Variants in NAV2 observed in about 807,000 individuals in gnomAD.
The protein encoded by NAV2 is neuron navigator 2.
In NAV2, 54 loss-of-function variants were observed where a neutral mutation model predicts 223.2. The ratio of observed to expected loss-of-function variants is 0.24; its 90% confidence interval spans 0.19 to 0.30. The LOEUF is 0.30. Among genes scored for constraint, NAV2 ranks in the 10% least tolerant of loss-of-function variants. The probability of loss-of-function intolerance (pLI) is 1.00; values close to 1 mark genes in which losing one functional copy is unlikely to be tolerated. For synonymous variants in NAV2, 1,279 were observed against 1,239.3 expected, an observed-to-expected ratio of 1.03 and a Z score of -0.67; for missense variants, 2,806 against 3,147.5, an observed-to-expected ratio of 0.89 and a Z score of 2.60.
intron 26 of NAV2, among the ~76,000 whole-genome samples, chr11:20,086,423 T>G (rs551498740): frequency 6.6e-6 from 1 of 152,328 alleles, no homozygotes; most frequent in Admixed American, 6.5e-5. Context: ...ACTTAATGAA[T>G]AAGGCCTTGC....
intron 6 of NAV2, among the ~76,000 whole-genome samples, chr11:19,912,394 C>T (rs2043387713): frequency 6.6e-6 from 1 of 152,152 alleles, no homozygotes; most frequent in Admixed American, 6.5e-5. Flanking sequence ...ACTTTAATGT[C>T]TGTGCTGCTG....
At position 19,945,882 on chromosome 11, in the gene NAV2, T is replaced by A. The variant is rs183095910; in HGVS notation, c.2147-519T>A. Among the ~76,000 whole-genome samples, 7 of 152,314 alleles carry A rather than the reference T, an allele frequency of 4.6e-5. No homozygotes were observed. In the South Asian group the frequency reaches 6.2e-4, roughly 14 times the overall value. On this transcript the variant is annotated intron_variant, in intron 8 of 37. Coordinates refer to ENST00000349880, the MANE Select transcript of NAV2 (RefSeq NM_145117.5). ...TAAGTAGAGGAGCTTGAATTTGAGGTGACATAATACATCTAACAAGGAAGA... is the reference window on the plus strand; with the variant it reads ...TAAGTAGAGGAGCTTGAATTTGAGGAGACATAATACATCTAACAAGGAAGA...
chr11:20,072,932 T>A (rs1036827631), intron 22 of NAV2, among the ~76,000 whole-genome samples: 1 of 152,160 alleles, frequency 6.6e-6, no homozygotes, highest in African/African-American at 2.4e-5. Context: ...TTTATTTCCT[T>A]CTCTTGCTTG....
chr11:19,585,240 T>G (rs2045855808), intron 1 of NAV2, among the ~76,000 whole-genome samples: 1 of 152,192 alleles, frequency 6.6e-6, no homozygotes, highest in South Asian at 2.1e-4. Context: ...TGGTAGATCT[T>G]CCTCCATCCC....
intron 1 of NAV2, among the ~76,000 whole-genome samples, chr11:19,539,242 A>G (rs937101374): frequency 7.2e-5 from 11 of 152,234 alleles, no homozygotes; most frequent in Non-Finnish European, 1.6e-4. Context: ...GCAGGCATGA[A>G]TAGTTGAAGG....
At chr11:19,707,747 T>C (rs961866286) in intron 1 of NAV2, among the ~76,000 whole-genome samples, 3 of 152,230 alleles carry the variant, frequency 2.0e-5, no homozygotes, top group African/African-American at 7.2e-5. Flanking sequence ...GCACTGTACA[T>C]GGTTGTGTGC....
In NAV2 at chr11:19,990,514, ATACCTTCCCCCTCCCCCCAT is replaced by A. The variant is rs1220023693; in HGVS notation, c.2768+6273_2768+6292del. On this transcript the variant is annotated intron_variant, in intron 11 of 37. Coordinates refer to ENST00000349880, the MANE Select transcript of NAV2 (RefSeq NM_145117.5). ...CATGGTTTAAGAAGGGCACCCTAAA[ATACCTTCCCCCTCCCCCCAT>A]TACCTCCCCTCTCTACTTGTTATGT... Among the ~76,000 whole-genome samples the A allele has an allele frequency of 4.6e-5, 7 of 152,024 alleles. No individual in the cohort carries two copies. In the East Asian group the frequency reaches 5.8e-4, roughly 13 times the overall value.
intron 5 of NAV2, among the ~76,000 whole-genome samples, chr11:19,891,761 CT>C (rs551073536): frequency 6.6e-6 from 1 of 152,140 alleles, no homozygotes; most frequent in Non-Finnish European, 1.5e-5. Context: ...ATAAATTGTC[CT>C]TTTCTTGATA....
chr11:19,431,295 C>G (rs1851027278), intron 1 of NAV2, among the ~76,000 whole-genome samples: 1 of 152,190 alleles, frequency 6.6e-6, no homozygotes, highest in Non-Finnish European at 1.5e-5. Flanking sequence ...AGTCATTCTT[C>G]TAGTTCTTTG....
At chr11:20,027,332 TGAACA>T (rs1268166524) in intron 11 of NAV2, 1 of 985,350 alleles carries the variant, frequency 1.0e-6, no homozygotes, top group Non-Finnish European at 1.2e-6. Flanking sequence ...ACAATTGCCT[TGAACA>T]ATAGCCAGAA....
intron 6 of NAV2, among the ~76,000 whole-genome samples, chr11:19,904,332 A>G (rs1486387861): frequency 1.3e-5 from 2 of 152,218 alleles, no homozygotes; most frequent in East Asian, 1.9e-4. Context: ...TTCTGCCTGC[A>G]TGGAACTTAA....
intron 1 of NAV2, among the ~76,000 whole-genome samples, chr11:19,795,423 A>G (rs988769744): frequency 1.7e-4 from 26 of 152,214 alleles, no homozygotes; most frequent in African/African-American, 4.6e-4. Context: ...CCTAATCTGT[A>G]TAAATTTAAA....
chr11:20,027,198 T>G, intron 11 of NAV2: 1 of 891,494 alleles, frequency 1.1e-6, no homozygotes, highest in Non-Finnish European at 1.3e-6. Flanking sequence ...ACCTGTTTGG[T>G]GGGAAATGTA....
chr11:20,027,101 GA>G (rs1480587941), intron 11 of NAV2, among the ~76,000 whole-genome samples: 1 of 152,318 alleles, frequency 6.6e-6, no homozygotes, highest in African/African-American at 2.4e-5. Flanking sequence ...TTCATTCTTT[GA>G]AGGTGGATTT....
At chr11:19,520,887 C>T (rs1309049301) in intron 1 of NAV2, among the ~76,000 whole-genome samples, 1 of 152,156 alleles carries the variant, frequency 6.6e-6, no homozygotes, top group Non-Finnish European at 1.5e-5. Flanking sequence ...CTGCCATTAC[C>T]ATTTCATTAC....
At chr11:19,553,982 G>A (rs1159747650) in intron 1 of NAV2, among the ~76,000 whole-genome samples, 8 of 152,242 alleles carry the variant, frequency 5.3e-5, no homozygotes, top group African/African-American at 1.7e-4. Context: ...TAGAAAAAGA[G>A]GCTGCTTTCT....
chr11:19,751,177 A>C (rs1397304888), intron 1 of NAV2, among the ~76,000 whole-genome samples: 1 of 152,182 alleles, frequency 6.6e-6, no homozygotes, highest in Non-Finnish European at 1.5e-5. Flanking sequence ...CCAGCGCACC[A>C]CTTAGCTTAC....
upstream of NAV2, among the ~76,000 whole-genome samples, chr11:19,709,546 CAAAAAAAAA>C (rs3043492): frequency 1.5e-3 from 92 of 63,154 alleles, no homozygotes; most frequent in African/African-American, 5.8e-3. Context: ...GACTCCGTCT[CAAAAAAAAA>C]AAAAAAAAAA....
rs757183666 is a variant in NAV2 at position 19,787,270 on chromosome 11, C to CTTTTTTTTTTTTTTTTTTTTTT, written c.268-45207_268-45186dup. 7.3e-5 allele frequency among the ~76,000 whole-genome samples: 4 copies of CTTTTTTTTTTTTTTTTTTTTTT among 55,008 alleles called. 2 individuals carry two copies. The highest frequency in any genetic ancestry group is 1.2e-4 in the African/African-American group (2 of 16,140). The allele number at this position is 55,008 out of a possible 152,430, so 36.1% of individuals were successfully genotyped here. ...CATGCCTGGCTAATTTTTATTGGAT[C>CTTTTTTTTTTTTTTTTTTTTTT]TTTTTTTTTTTTTTTTTTTTTTTTT... is the stretch of plus-strand genomic sequence containing the variant. On this transcript the variant is annotated intron_variant, in intron 1 of 37. Transcript: ENST00000349880.
Sources: gnomAD v4.1 joint callset for allele counts (sites outside exome capture counted in the v4.1 genomes callset) on GRCh38, gnomAD v4.1.1 for gene constraint, MANE v1.5 for transcripts, NCBI Gene and HGNC (gene_info 2026-07-23, HGNC 2026-07-21) for gene names.